Variants in ALKBH7 observed in about 807,000 individuals in gnomAD.
The protein encoded by ALKBH7 is RNA demethylase ALKBH7, mitochondrial.
ALKBH7 carries 21 observed loss-of-function variants against 19.3 expected under a neutral mutation model. The ratio of observed to expected loss-of-function variants is 1.09; its 90% CI spans 0.77 to 1.56. The LOEUF (loss-of-function observed/expected upper bound fraction) is 1.56, where lower values mean the gene tolerates loss of function less well. Ranked by LOEUF, ALKBH7 falls within the 40% of genes most tolerant of loss-of-function variation. The pLI is 0.00. For missense variants in ALKBH7, 354 were observed against 311.4 expected (o/e 1.14, Z -1.03); for synonymous variants, 147 against 139.5 (o/e 1.05, Z -0.38).
Position 6,374,849 on chromosome 19 carries a change from G to A in ALKBH7, c.542G>A (p.Arg181Gln), listed in dbSNP as rs376230219. The stretch of plus-strand genomic sequence containing the variant: ...TATGACTTCTCCCATGAGATCCTTC[G>A]GGATGAAGAGTCCTTCTTTGGGGAA... Reference protein sequence around the residue: ...ARYDFSHEILRDEESFFGERR... With the variant: ...ARYDFSHEILQDEESFFGERR... Residue 181 changes from arginine to glutamine, a missense_variant, in exon 4 of 4, where the codon CGG (arginine) becomes CAG (glutamine). Physicochemically the swap from Arg to Gln is conservative, Grantham distance 43. Coordinates refer to ENST00000245812, the MANE Select transcript of ALKBH7 (RefSeq NM_032306.4). 6.2e-6 allele frequency: 10 copies of A among 1,613,912 alleles called. No individual in the cohort carries two copies. The highest frequency in any genetic ancestry group is 1.1e-5 in the South Asian group (1 of 91,044).
In ALKBH7 at chr19:6,372,838, G is replaced by A; in HGVS notation, c.18G>A (p.Leu6=). 1 of 1,546,270 alleles carries A rather than the reference G, an allele frequency of 6.5e-7. No homozygotes were observed. The highest frequency in any genetic ancestry group is 8.7e-7 in the Non-Finnish European group (1 of 1,149,926). MAGTG[L]LALRTLPGPS... is the part of the protein sequence containing the mutation. ...CCGGGATTATGGCCGGGACTGGGCT[G>A]CTGGCGCTGCGGACGCTGCCAGGGC... The change falls in exon 1 of 4, where the codon CTG becomes CTA. Residue 6 remains leucine, a synonymous_variant. Coordinates refer to ENST00000245812, the MANE Select transcript of ALKBH7 (RefSeq NM_032306.4).
chr19:6,374,262 C>T lies in ALKBH7; in HGVS notation c.264C>T (p.Ile88=). Residue 88 remains isoleucine (I), a synonymous_variant, in exon 2 of 4, where the codon ATC becomes ATT. Coordinates refer to ENST00000245812, the MANE Select transcript of ALKBH7 (RefSeq NM_032306.4). The stretch of plus-strand genomic sequence containing the variant: ...GCTGGTCAGAAGCCAGCCGGGCCAT[C>T]CTGCAGCGCGTGCAGGCGGCCGCCT... ...KSRWSEASRA[I]LQRVQAAAFG... 1.9e-6 allele frequency: 3 copies of T among 1,613,538 alleles called. No individual in the cohort carries two copies. The highest frequency in any genetic ancestry group is 3.3e-5 in the Admixed American group (2 of 59,932).
At chr19:6,373,641 G>C (rs1359052840) in intron 1 of ALKBH7, 2 of 1,245,446 alleles carry the variant, frequency 1.6e-6, no homozygotes, top group Non-Finnish European at 1.0e-6. Context: ...GGGCCATGCT[G>C]TGGGGGGGAC....
chr19:6,375,090 C>G lies in ALKBH7; in HGVS notation c.*117C>G, dbSNP rs1246894196. ...GGATTTGCAGGGGAACCCAGGATGG[C>G]ACTGGCCCATAGGGAGCTCCAGGTG... On this transcript the variant is annotated 3_prime_UTR_variant, in exon 4 of 4. Transcript: ENST00000245812. 1 of 1,407,220 alleles carries G rather than the reference C, an allele frequency of 7.1e-7. No individual in the cohort carries two copies. Among genetic ancestry groups the G allele is most frequent in the African/African-American group, 1.4e-5 (1 of 69,618 alleles). The allele number at this position is 1,407,220 out of a possible 1,614,324, so 87.2% of individuals were successfully genotyped here.
Position 6,375,190 on chromosome 19 carries a change from C to A in ALKBH7, c.*217C>A. ...CTTTATTGCACTCACTGCTGGTCGC[C>A]CCAGCCCACTCCCCTCCTCGTTGTC... On this transcript the variant is annotated 3_prime_UTR_variant, in exon 4 of 4. Transcript: ENST00000245812. 7.5e-7 allele frequency: 1 copy of A among 1,332,340 alleles called. No homozygotes were observed. The highest frequency in any genetic ancestry group is 2.8e-5 in the East Asian group (1 of 36,042). The allele number at this position is 1,332,340 out of a possible 1,614,324, so 82.5% of individuals were successfully genotyped here. A position where few individuals can be genotyped will look rare whatever the true frequency, so the allele number is the denominator to read the frequency against.
rs949655725 is a variant in ALKBH7 at position 6,374,954 on chromosome 19, A to G, written c.647A>G (p.Gln216Arg). The change falls in exon 4 of 4, where the codon CAG (glutamine) becomes CGG (arginine). Residue 216 changes from glutamine (Q) to arginine (R), a missense_variant. Transcript: ENST00000245812. ...PEGMGPGESG[Q>R]PPPAC ...GGCATGGGGCCAGGGGAGTCTGGAC[A>G]GCCGCCCCCAGCCTGCTGACCCCCA... The G allele has an allele frequency of 1.3e-6, 2 of 1,597,962 alleles. No homozygotes were observed. Among genetic ancestry groups the G allele is most frequent in the Non-Finnish European group, 1.7e-6 (2 of 1,169,750 alleles).
At chr19:6,374,024 A>C in intron 1 of ALKBH7, 179 bp from the exon 2 acceptor site, 2 of 985,082 alleles carry the variant, frequency 2.0e-6, no homozygotes, top group Non-Finnish European at 2.4e-6. Context: ...CAGGGTGAGT[A>C]CTAAGGACTG....
At chr19:6,373,504 T>G in intron 1 of ALKBH7, 1 of 595,490 alleles carries the variant, frequency 1.7e-6, no homozygotes, top group Non-Finnish European at 2.5e-6. Flanking sequence ...GCGATTACGC[T>G]GCTAGCAGTT....
Position 6,372,886 on chromosome 19 carries a change from C to T in ALKBH7, c.66C>T (p.Gly22=). The T allele has an allele frequency of 6.4e-7, 1 of 1,551,038 alleles. No homozygotes were observed. Among genetic ancestry groups the T allele is most frequent in the Non-Finnish European group, 8.7e-7 (1 of 1,150,902 alleles). Reference sequence around the variant, plus strand: ...GGCCCAGCTGGGTGCGAGGCTCGGGCCCTTCCGTGCTGAGCCGCCTGCAGG... The same window carrying T: ...GGCCCAGCTGGGTGCGAGGCTCGGGTCCTTCCGTGCTGAGCCGCCTGCAGG... ...LPGPSWVRGS[G]PSVLSRLQDA... Residue 22 remains glycine, a synonymous_variant, in exon 1 of 4, where the codon GGC becomes GGT. Coordinates refer to ENST00000245812, the MANE Select transcript of ALKBH7 (RefSeq NM_032306.4).
In ALKBH7 at chr19:6,373,072, G is replaced by C. The variant is rs1381899327; in HGVS notation, c.204+48G>C. The C allele has an allele frequency of 3.9e-6, 6 of 1,523,562 alleles. No individual in the cohort carries two copies. In the Middle Eastern group the frequency reaches 7.0e-4, roughly 177 times the overall value. The allele number at this position is 1,523,562 out of a possible 1,614,324, so 94.4% of individuals were successfully genotyped here. A position where few individuals can be genotyped will look rare whatever the true frequency, so the allele number is the denominator to read the frequency against. On this transcript the variant is annotated intron_variant, in intron 1 of 3. Transcript: ENST00000245812. Reference sequence around the variant, plus strand: ...CGAGGGACGGGGGCTCGTCGGGGGCGCGGCCTGGGGACGTGGAGCATCAGA... The same window carrying C: ...CGAGGGACGGGGGCTCGTCGGGGGCCCGGCCTGGGGACGTGGAGCATCAGA...
chr19:6,374,573 T>C lies in ALKBH7; in HGVS notation c.487T>C (p.Ser163Pro), dbSNP rs2091911507. 6.2e-7 allele frequency: 1 copy of C among 1,613,150 alleles called. No homozygotes were observed. Among genetic ancestry groups the C allele is most frequent in the Non-Finnish European group, 8.5e-7 (1 of 1,179,958 alleles). ...GCTGGAACTCTTGCTGGAGCCGGGCTCCCTCTACATCCTTAGGTACCTCCA... is the reference window on the plus strand; with the variant it reads ...GCTGGAACTCTTGCTGGAGCCGGGCCCCCTCTACATCCTTAGGTACCTCCA... ...EWLELLLEPG[S>P]LYILRGSARY... Residue 163 changes from serine (S) to proline (P), a missense_variant, in exon 3 of 4, where the codon TCC (serine) becomes CCC (proline). Transcript: ENST00000245812.
rs2091899650 is a variant in ALKBH7, at chr19:6,373,119, G to A, written c.204+95G>A. The A allele has an allele frequency of 2.8e-6, 4 of 1,432,840 alleles. No individual in the cohort carries two copies. The Admixed American group carries it at 7.0e-5, about 25-fold the overall frequency. The allele number at this position is 1,432,840 out of a possible 1,614,324, so 88.8% of individuals were successfully genotyped here. A position where few individuals can be genotyped will look rare whatever the true frequency, so the allele number is the denominator to read the frequency against. On this transcript the variant is annotated intron_variant, in intron 1 of 3. Coordinates refer to ENST00000245812, the MANE Select transcript of ALKBH7 (RefSeq NM_032306.4). ...CAGATGGGGCGGGGACACGCTGGGG[G>A]CGGTACCTAGAGCGGGGATTTGGAG...
intron 1 of ALKBH7, chr19:6,373,463 G>A: frequency 2.0e-6 from 1 of 488,992 alleles, no homozygotes; most frequent in Non-Finnish European, 3.4e-6. Flanking sequence ...GCGTGGGGGT[G>A]GGGCCAGGGA....
chr19:6,372,810 G>A lies in ALKBH7; in HGVS notation c.-11G>A, dbSNP rs760028664. On this transcript the variant is annotated 5_prime_UTR_variant, in exon 1 of 4. Coordinates refer to ENST00000245812, the MANE Select transcript of ALKBH7 (RefSeq NM_032306.4). ...CAACCCTGCCCTCTCTCATGACCCC[G>A]CTCCGGGATTATGGCCGGGACTGGG... The A allele has an allele frequency of 1.3e-6, 2 of 1,540,110 alleles. No individual in the cohort carries two copies. The highest frequency in any genetic ancestry group is 1.2e-5 in the South Asian group (1 of 84,118).
rs959866038 is a variant in ALKBH7, at chr19:6,374,411, A to G, written c.378+35A>G. The G allele has an allele frequency of 2.5e-6, 4 of 1,603,908 alleles. No homozygotes were observed. In the African/African-American group the frequency reaches 4.0e-5, roughly 16 times the overall value. On this transcript the variant is annotated intron_variant, in intron 2 of 3. Transcript: ENST00000245812. ...GGACGGTGCCTTGGCACTCCCAGCC[A>G]GGGGGTAGGCAGGCCCGGTTAGATC... is the stretch of plus-strand genomic sequence containing the variant.
At position 6,374,487 on chromosome 19, in the gene ALKBH7, G is replaced by C. The variant is rs746601745; in HGVS notation, c.401G>C (p.Gly134Ala). The C allele has an allele frequency of 6.8e-6, 11 of 1,613,860 alleles. No individual in the cohort carries two copies. The African/African-American group carries it at 1.5e-4, about 22-fold the overall frequency. ...SIKFCGATIAGLSLLSPSVMR... is the reference protein window; with the variant it reads ...SIKFCGATIAALSLLSPSVMR... ...CAGTTCTGCGGGGCCACCATCGCCGGCCTGTCTCTCCTGTCTCCCAGCGTT... is the reference window on the plus strand; with the variant it reads ...CAGTTCTGCGGGGCCACCATCGCCGCCCTGTCTCTCCTGTCTCCCAGCGTT... The change falls in exon 3 of 4, where the codon GGC (glycine) becomes GCC (alanine). Residue 134 changes from glycine (G) to alanine (A), a missense_variant. Gly to Ala is a moderately conservative substitution (Grantham distance 60, BLOSUM62 0). Transcript: ENST00000245812.
chr19:6,373,379 TG>T lies in ALKBH7; in HGVS notation c.204+360del, dbSNP rs1279259449. ...GCGTAGGGACGGGGCGTGGCCACGC[TG>T]GGGGCGGGGACAGTGGGGACCAGTG... is the stretch of plus-strand genomic sequence containing the variant. On this transcript the variant is annotated intron_variant, in intron 1 of 3. Coordinates refer to ENST00000245812, the MANE Select transcript of ALKBH7 (RefSeq NM_032306.4). The T allele has an allele frequency of 1.9e-4, 10 of 52,854 alleles. No homozygotes were observed. The African/African-American group carries it at 2.5e-3, about 13-fold the overall frequency. 3.3% of individuals were successfully genotyped at this position (52,854 alleles called of 1,614,324 possible). A position where few individuals can be genotyped will look rare whatever the true frequency, so the allele number is the denominator to read the frequency against.
intron 1 of ALKBH7, 92 bp downstream of exon 1, chr19:6,373,116 G>A: frequency 6.9e-7 from 1 of 1,449,252 alleles, no homozygotes; most frequent in South Asian, 1.4e-5. Flanking sequence ...GGACACGCTG[G>A]GGGCGGTACC....
intron 1 of ALKBH7, chr19:6,373,676 C>T (rs61003547): frequency 0.087 from 108,056 of 1,244,952 alleles, 10,478 homozygotes; most frequent in African/African-American, 0.4. Context: ...TTAGAGAGGG[C>T]AGAACCACGC....
Sources: gnomAD v4.1 joint callset for allele counts on GRCh38, gnomAD v4.1.1 for gene constraint, MANE v1.5 for transcripts, NCBI Gene and HGNC (gene_info 2026-07-23, HGNC 2026-07-21) for gene names.